The following SEPTIN2 variants were observed in gnomAD, a reference collection of about 807,000 sequenced individuals.
The protein encoded by SEPTIN2 is septin-2.
SEPTIN2 carries 34 observed loss-of-function variants against 46.5 expected under a neutral mutation model. The ratio of observed to expected loss-of-function variants is 0.73; its 90% CI spans 0.56 to 0.97. SEPTIN2 has a LOEUF of 0.97. Among genes scored for constraint, SEPTIN2 ranks in the 50% least tolerant of loss-of-function variants. SEPTIN2 has a pLI of 0.00. For missense variants in SEPTIN2, 347 were observed against 448.4 expected (o/e 0.77, Z 2.04); for synonymous variants, 175 against 153.4 (o/e 1.14, Z -1.04).
chr2:241,331,488 T>A (rs2079001786), intron 3 of SEPTIN2, among the ~76,000 whole-genome samples: 1 of 152,194 alleles, frequency 6.6e-6, no homozygotes, highest in South Asian at 2.1e-4. Context: ...CTCCCAGGTT[T>A]AAGTGATTCT....
chr2:241,335,405 C>T (rs1179134083), intron 4 of SEPTIN2, 193 bp downstream of exon 4: 11 of 1,465,466 alleles, frequency 7.5e-6, no homozygotes, highest in African/African-American at 1.4e-5. Context: ...TTCTTTGACA[C>T]GTATCCATGG....
chr2:241,333,134 CAGGT>C (rs1459040618), intron 3 of SEPTIN2, among the ~76,000 whole-genome samples: 6 of 151,934 alleles, frequency 3.9e-5, no homozygotes, highest in Non-Finnish European at 5.9e-5. Context: ...TAAAATAAAA[CAGGT>C]AGGGGGTTGA....
At chr2:241,326,461 GTGT>G (rs2077984171) in intron 3 of SEPTIN2, among the ~76,000 whole-genome samples, 1 of 148,976 alleles carries the variant, frequency 6.7e-6, no homozygotes, top group African/African-American at 2.5e-5. Context: ...GGAGATGAAA[GTGT>G]TGTCATTTTC....
chr2:241,335,823 C>A, intron 4 of SEPTIN2, 152 bp from the exon 5 acceptor site: 1 of 930,760 alleles, frequency 1.1e-6, no homozygotes, highest in African/African-American at 1.6e-5. Flanking sequence ...TTTCTGACTT[C>A]TCTGGGATCT....
At chr2:241,323,344 A>G (rs528685660) in intron 1 of SEPTIN2, among the ~76,000 whole-genome samples, 1 of 151,938 alleles carries the variant, frequency 6.6e-6, no homozygotes, top group Admixed American at 6.6e-5. Flanking sequence ...CTGAATCAGT[A>G]TTTTTAGTAG....
At chr2:241,344,964 A>G (rs2081805634) in intron 9 of SEPTIN2, among the ~76,000 whole-genome samples, 1 of 151,376 alleles carries the variant, frequency 6.6e-6, no homozygotes, top group Admixed American at 6.6e-5. Context: ...ATACAAAAAA[A>G]TTAGCCGAGT....
chr2:241,324,642 C>T (rs939842925), intron 2 of SEPTIN2: 1 of 290,268 alleles, frequency 3.4e-6, no homozygotes, highest in Admixed American at 5.1e-5. Context: ...GCTTTGGCCC[C>T]CCGAAGTGTT....
intron 7 of SEPTIN2, among the ~76,000 whole-genome samples, chr2:241,340,710 A>G (rs957228536): frequency 3.3e-5 from 5 of 152,194 alleles, no homozygotes; most frequent in Admixed American, 1.3e-4. Flanking sequence ...CTGGATTACA[A>G]CATCTGAGAT....
chr2:241,328,818 C>T (rs553053381), intron 3 of SEPTIN2, among the ~76,000 whole-genome samples: 4 of 151,664 alleles, frequency 2.6e-5, no homozygotes, highest in South Asian at 2.1e-4. Flanking sequence ...GTGGCAAGTT[C>T]GAGACCAGCC....
intron 3 of SEPTIN2, among the ~76,000 whole-genome samples, chr2:241,330,652 A>G (rs562193033): frequency 6.6e-6 from 1 of 152,362 alleles, no homozygotes; most frequent in Admixed American, 6.5e-5. Context: ...GAGATCATAT[A>G]TAATAAGCAA....
intron 3 of SEPTIN2, among the ~76,000 whole-genome samples, chr2:241,332,415 A>G (rs1461555335): frequency 6.6e-6 from 1 of 152,240 alleles, no homozygotes; most frequent in African/African-American, 2.4e-5. Context: ...ATAAACCCAC[A>G]TAAAGGTGTC....
rs1362229312 is a variant in SEPTIN2 at position 241,316,244 on chromosome 2, C to G, written c.-18+262C>G. 1.1e-5 allele frequency: 4 copies of G among 364,692 alleles called. No individual in the cohort carries two copies. The East Asian group carries it at 1.7e-4, about 15-fold the overall frequency. 22.6% of individuals were successfully genotyped at this position (364,692 alleles called of 1,614,324 possible). On this transcript the variant is annotated intron_variant, in intron 1 of 12. Coordinates refer to ENST00000391971, the MANE Select transcript of SEPTIN2 (RefSeq NM_004404.5). Reference sequence around the variant, plus strand: ...CGCGGGAGTGGGGATTCCGGTGACCCCTTGTTGACCCTGCGGGAATTCCTC... The same window carrying G: ...CGCGGGAGTGGGGATTCCGGTGACCGCTTGTTGACCCTGCGGGAATTCCTC...
chr2:241,334,443 A>G (rs1444047201), intron 3 of SEPTIN2, among the ~76,000 whole-genome samples: 1 of 152,236 alleles, frequency 6.6e-6, no homozygotes, highest in East Asian at 1.9e-4. Context: ...CAGTAGTTCA[A>G]GAGAGATTCT....
chr2:241,331,029 A>G (rs2078904884), intron 3 of SEPTIN2, among the ~76,000 whole-genome samples: 1 of 152,170 alleles, frequency 6.6e-6, no homozygotes, highest in South Asian at 2.1e-4. Context: ...AAGTACTGAA[A>G]TTAGCCGGCC....
At chr2:241,335,757 C>T in intron 4 of SEPTIN2, 1 of 590,208 alleles carries the variant, frequency 1.7e-6, no homozygotes, top group Non-Finnish European at 3.0e-6. Context: ...TAATTTTTAA[C>T]ATTTGTGTTT....
intron 7 of SEPTIN2, among the ~76,000 whole-genome samples, chr2:241,340,141 C>T (rs541590059): frequency 2.0e-5 from 3 of 152,286 alleles, no homozygotes; most frequent in South Asian, 4.1e-4. Context: ...GTACTCTTCT[C>T]TCCACCCCCT....
At chr2:241,335,943 T>G in intron 4 of SEPTIN2, 32 bp from the exon 5 acceptor site, 1 of 1,614,046 alleles carries the variant, frequency 6.2e-7, no homozygotes, top group South Asian at 1.1e-5. Context: ...ACATGCTGCT[T>G]ATATTCCCTA....
At chr2:241,338,137 C>T (rs2080339527) in intron 7 of SEPTIN2, among the ~76,000 whole-genome samples, 1 of 152,114 alleles carries the variant, frequency 6.6e-6, no homozygotes, top group Non-Finnish European at 1.5e-5. Context: ...AAATTCTTTA[C>T]TGCAAATGAC....
chr2:241,315,849 G>GGGTGACGC (rs923625435), upstream of SEPTIN2: 1 of 152,118 alleles, frequency 6.6e-6, no homozygotes, highest in Non-Finnish European at 1.5e-5. Flanking sequence ...CAAAGGGGCG[G>GGGTGACGC]GGTGACGCGG....
Sources: gnomAD v4.1 joint callset for allele counts (sites outside exome capture counted in the v4.1 genomes callset) on GRCh38, gnomAD v4.1.1 for gene constraint, MANE v1.5 for transcripts, NCBI Gene and HGNC (gene_info 2026-07-23, HGNC 2026-07-21) for gene names.